Variants in LINGO2 observed in about 807,000 individuals in gnomAD.
The protein encoded by LINGO2 is leucine-rich repeat and immunoglobulin-like domain-containing nogo receptor-interacting protein 2.
LINGO2 carries 14 observed loss-of-function variants against 30.6 expected under a neutral mutation model. The observed-to-expected ratio is 0.46, with a 90% CI of 0.30 to 0.72. The LOEUF (loss-of-function observed/expected upper bound fraction) is 0.72. Ranked by LOEUF, LINGO2 falls within the 30% of genes least tolerant of loss-of-function variation. The pLI is 0.07. For missense variants in LINGO2, 729 were observed against 751.7 expected (o/e 0.97, Z 0.35); for synonymous variants, 317 against 288.5 (o/e 1.10, Z -1.00).
the LINGO2 span, among the ~76,000 whole-genome samples, chr9:29,149,653 C>G: frequency 6.6e-6 from 1 of 152,048 alleles, no homozygotes; most frequent in Admixed American, 6.5e-5. Flanking sequence ...TACGGGCCTC[C>G]AGGATCCTAG....
chr9:28,527,717 C>G (rs1186517700), intron 1 of LINGO2, among the ~76,000 whole-genome samples: 1 of 152,092 alleles, frequency 6.6e-6, no homozygotes, highest in Non-Finnish European at 1.5e-5. Context: ...GCACCACAAC[C>G]TGGAAAGGTA....
At chr9:28,996,888 A>G in the LINGO2 span, among the ~76,000 whole-genome samples, 1 of 152,192 alleles carries the variant, frequency 6.6e-6, no homozygotes, top group Non-Finnish European at 1.5e-5. Flanking sequence ...ATAATAGAAG[A>G]TCTTAAAATC....
At chr9:28,536,968 G>A (rs1821461707) in intron 1 of LINGO2, among the ~76,000 whole-genome samples, 1 of 151,896 alleles carries the variant, frequency 6.6e-6, no homozygotes, top group African/African-American at 2.4e-5. Flanking sequence ...CTAAGATGAG[G>A]ACATACTAGA....
chr9:28,793,228 A>G, the LINGO2 span, among the ~76,000 whole-genome samples: 14 of 152,172 alleles, frequency 9.2e-5, no homozygotes, highest in Non-Finnish European at 2.1e-4. Flanking sequence ...AGTTCACAGA[A>G]ACAATATTTT....
At chr9:28,515,486 G>A (rs1820586215) in intron 1 of LINGO2, among the ~76,000 whole-genome samples, 1 of 152,196 alleles carries the variant, frequency 6.6e-6, no homozygotes. Context: ...GATTACAGGC[G>A]TGAACCGCTG....
intron 4 of LINGO2, among the ~76,000 whole-genome samples, chr9:28,040,750 CAG>C (rs1401792085): frequency 3.6e-5 from 5 of 137,210 alleles, no homozygotes; most frequent in Admixed American, 7.7e-5. Flanking sequence ...GAAACAGACT[CAG>C]ATAATTTAAC....
At chr9:28,262,235 A>G (rs1251734836) in intron 4 of LINGO2, among the ~76,000 whole-genome samples, 1 of 151,154 alleles carries the variant, frequency 6.6e-6, no homozygotes, top group African/African-American at 2.4e-5. Context: ...CACTTAGCAA[A>G]GTACTTGACA....
the LINGO2 span, among the ~76,000 whole-genome samples, chr9:28,814,847 T>A: frequency 1.3e-5 from 2 of 152,116 alleles, no homozygotes; most frequent in African/African-American, 2.4e-5. Context: ...AGCAAATTAG[T>A]GGTTGTAGAA....
intron 4 of LINGO2, among the ~76,000 whole-genome samples, chr9:28,261,569 C>A (rs1416876242): frequency 6.6e-6 from 1 of 151,778 alleles, no homozygotes; most frequent in Non-Finnish European, 1.5e-5. Context: ...AATAAGATAC[C>A]TTTAGATTTG....
intron 5 of LINGO2, among the ~76,000 whole-genome samples, chr9:27,989,178 T>C (rs929288939): frequency 6.6e-6 from 1 of 151,978 alleles, no homozygotes; most frequent in Admixed American, 6.6e-5. Context: ...GGTCTTTGCA[T>C]GGCTTGTTCT....
the LINGO2 span, among the ~76,000 whole-genome samples, chr9:28,919,838 C>T: frequency 6.6e-6 from 1 of 152,158 alleles, no homozygotes; most frequent in East Asian, 1.9e-4. Context: ...TAACTTTAAA[C>T]ATTATATCCT....
intron 4 of LINGO2, among the ~76,000 whole-genome samples, chr9:28,289,141 C>G (rs903195342): frequency 6.6e-6 from 1 of 152,168 alleles, no homozygotes; most frequent in African/African-American, 2.4e-5. Context: ...GACACTCTTT[C>G]TACCTTATGG....
rs565755607 is a variant in LINGO2 at position 28,058,942 on chromosome 9, T to C, written c.-86-46537A>G. 2.6e-5 allele frequency among the ~76,000 whole-genome samples: 4 copies of C among 152,308 alleles called. No homozygotes were observed. In the East Asian group the frequency reaches 7.7e-4, roughly 29 times the overall value. ...TTATAAGTAAACAATTATATATAAATTGGTGTGCATGCTCACATTTTATTT... is the reference window on the plus strand; with the variant it reads ...TTATAAGTAAACAATTATATATAAACTGGTGTGCATGCTCACATTTTATTT... On this transcript the variant is annotated intron_variant, in intron 4 of 5. Transcript: ENST00000379992.
At chr9:28,668,450 G>T (rs1435682587) in intron 1 of LINGO2, among the ~76,000 whole-genome samples, 2 of 151,566 alleles carry the variant, frequency 1.3e-5, no homozygotes, top group Non-Finnish European at 2.9e-5. Context: ...ATATGGATTT[G>T]ATTTTTTTTA....
At chr9:29,165,912 A>G in the LINGO2 span, among the ~76,000 whole-genome samples, 2 of 152,092 alleles carry the variant, frequency 1.3e-5, no homozygotes, top group Non-Finnish European at 2.9e-5. Context: ...TAAAAGTTCT[A>G]TATTATCTAA....
chr9:28,080,667 C>T (rs1450304169), intron 4 of LINGO2: 2 of 152,110 alleles, frequency 1.3e-5, no homozygotes, highest in Non-Finnish European at 2.9e-5. Flanking sequence ...ATAATGGGGT[C>T]CTATCTGTGA....
the LINGO2 span, among the ~76,000 whole-genome samples, chr9:29,105,407 G>A: frequency 6.6e-6 from 1 of 152,090 alleles, no homozygotes; most frequent in African/African-American, 2.4e-5. Context: ...ATTTTTCTAC[G>A]TAACCTCAAC....
the LINGO2 span, among the ~76,000 whole-genome samples, chr9:28,946,067 T>C: frequency 6.6e-6 from 1 of 152,288 alleles, no homozygotes; most frequent in African/African-American, 2.4e-5. Flanking sequence ...TCTAGATATA[T>C]AGCTAATATG....
chr9:28,034,366 G>A (rs973787597), intron 4 of LINGO2, among the ~76,000 whole-genome samples: 3 of 152,126 alleles, frequency 2.0e-5, no homozygotes, highest in East Asian at 1.9e-4. Flanking sequence ...CGAGAAGCCC[G>A]TTCTATTTAG....
Sources: gnomAD v4.1 joint callset for allele counts (sites outside exome capture counted in the v4.1 genomes callset) on GRCh38, gnomAD v4.1.1 for gene constraint, MANE v1.5 for transcripts, NCBI Gene and HGNC (gene_info 2026-07-23, HGNC 2026-07-21) for gene names.